The following MLKL variants were observed in gnomAD, a reference collection of about 807,000 sequenced individuals.
The protein encoded by MLKL is mixed lineage kinase domain-like protein.
A neutral mutation model predicts 56.5 loss-of-function variants in MLKL; 55 were observed. That is an observed-to-expected ratio of 0.97 (90% CI 0.78 to 1.22). The LOEUF (loss-of-function observed/expected upper bound fraction) is 1.22, where lower values mean the gene tolerates loss of function less well. Among genes scored for constraint, MLKL ranks in the 50% most tolerant of loss-of-function variants. The pLI is 0.00. For missense variants in MLKL, 694 were observed against 573.9 expected (o/e 1.21, Z -2.14); for synonymous variants, 251 against 208.3 (o/e 1.20, Z -1.76).
At chr16:74,673,515 GC>G (rs1959366422) in intron 10 of MLKL, among the ~76,000 whole-genome samples, 1 of 152,024 alleles carries the variant, frequency 6.6e-6, no homozygotes, top group Non-Finnish European at 1.5e-5. Flanking sequence ...ACTGCACCCG[GC>G]CCCTTCTCTC....
chr16:74,688,535 G>A (rs1015213600), intron 4 of MLKL, among the ~76,000 whole-genome samples: 4 of 152,044 alleles, frequency 2.6e-5, no homozygotes, highest in Non-Finnish European at 5.9e-5. Context: ...CCAACATGGT[G>A]AAACCCTGTC....
intron 5 of MLKL, among the ~76,000 whole-genome samples, chr16:74,684,102 C>A (rs889936070): frequency 4.0e-5 from 6 of 151,840 alleles, no homozygotes; most frequent in Admixed American, 2.6e-4. Context: ...CACCCACCAC[C>A]ACGCCCAGTT....
At position 74,700,645 on chromosome 16, in the gene MLKL, A is replaced by AG. The variant is rs1360291956; in HGVS notation, c.-196_-195insC. 3.9e-5 allele frequency: 6 copies of AG among 152,346 alleles called. No homozygotes were observed. The highest frequency in any genetic ancestry group is 1.4e-4 in the African/African-American group (6 of 41,446). The allele number at this position is 152,346 out of a possible 1,614,324, so 9.4% of individuals were successfully genotyped here. A position where few individuals can be genotyped will look rare whatever the true frequency, so the allele number is the denominator to read the frequency against. ...CACTCTGCTGACTGTACCGGACGCC[A>AG]CACGTGGCTGGCGGCGACAAGGCGC... On this transcript the variant is annotated 5_prime_UTR_variant, in exon 1 of 11. Coordinates refer to ENST00000308807, the MANE Select transcript of MLKL (RefSeq NM_152649.4).
intron 2 of MLKL, among the ~76,000 whole-genome samples, chr16:74,693,938 C>G (rs1567618180): frequency 6.6e-6 from 1 of 151,882 alleles, no homozygotes; most frequent in African/African-American, 2.4e-5. Flanking sequence ...TATTTTATCA[C>G]AAAAAATGGG....
intron 1 of MLKL, among the ~76,000 whole-genome samples, chr16:74,698,749 T>G (rs1211875801): frequency 6.6e-6 from 1 of 151,996 alleles, no homozygotes; most frequent in Non-Finnish European, 1.5e-5. Context: ...GAAAGGAAAA[T>G]GGGGAAAATA....
intron 1 of MLKL, among the ~76,000 whole-genome samples, chr16:74,698,031 C>G (rs1464405008): frequency 6.6e-6 from 1 of 152,068 alleles, no homozygotes. Flanking sequence ...TGGTGAAACC[C>G]TGTCTCTACA....
chr16:74,675,417 C>T lies in MLKL; in HGVS notation c.1191-13G>A. ...GACGATTCCAAAGCTAAAAGAAAAC[C>T]AAGAAACTGAACAACCATAACTAGT... On this transcript the variant is annotated splice_polypyrimidine_tract_variant and intron_variant, in intron 8 of 10. Transcript: ENST00000308807. 3 of 1,613,004 alleles carry T rather than the reference C, an allele frequency of 1.9e-6. No homozygotes were observed. The South Asian group carries it at 3.3e-5, about 18-fold the overall frequency.
At chr16:74,682,820 G>C (rs773252254) in intron 5 of MLKL, 34 bp from the exon 6 acceptor site, 2 of 1,610,666 alleles carry the variant, frequency 1.2e-6, no homozygotes, top group East Asian at 4.5e-5. Flanking sequence ...ATGAGGACCC[G>C]CCCTACTTGA....
chr16:74,699,213 G>T (rs1657610502), intron 1 of MLKL, among the ~76,000 whole-genome samples: 1 of 152,148 alleles, frequency 6.6e-6, no homozygotes, highest in African/African-American at 2.4e-5. Flanking sequence ...TGGCTGGGAA[G>T]ACTAAAACAG....
At chr16:74,684,240 G>C (rs1960178764) in intron 5 of MLKL, among the ~76,000 whole-genome samples, 1 of 151,796 alleles carries the variant, frequency 6.6e-6, no homozygotes, top group African/African-American at 2.4e-5. Flanking sequence ...GAGCCACCGT[G>C]CCTGGCCTAC....
intron 1 of MLKL, among the ~76,000 whole-genome samples, chr16:74,695,974 C>G (rs970320537): frequency 6.6e-6 from 1 of 152,338 alleles, no homozygotes; most frequent in African/African-American, 2.4e-5. Context: ...CCAGCCGGAA[C>G]TACATCTCCC....
At chr16:74,674,885 C>A in intron 10 of MLKL, 75 bp downstream of exon 10, 1 of 1,545,346 alleles carries the variant, frequency 6.5e-7, no homozygotes, top group Non-Finnish European at 8.8e-7. Flanking sequence ...TGCCTTGGAG[C>A]TGGTGAAAAG....
At chr16:74,699,997 A>T (rs1597524905) in intron 1 of MLKL, among the ~76,000 whole-genome samples, 1 of 152,160 alleles carries the variant, frequency 6.6e-6, no homozygotes, top group Non-Finnish European at 1.5e-5. Flanking sequence ...TACGATGAGA[A>T]AACAGGTTAC....
Position 74,675,383 on chromosome 16 carries a change from T to C in MLKL, c.1212A>G (p.Glu404=). The C allele has an allele frequency of 6.2e-7, 1 of 1,614,148 alleles. No individual in the cohort carries two copies. Among genetic ancestry groups the C allele is most frequent in the Middle Eastern group, 1.6e-4 (1 of 6,062 alleles). The change falls in exon 9 of 11, where the codon GAA becomes GAG. Residue 404 remains glutamate (E), a synonymous_variant. Transcript: ENST00000308807. ...GAAACGGGATATCTCCAGTGGCGAT[T>C]TCCCAGAGGACGATTCCAAAGCTAA... The part of the protein sequence containing the change: ...EIYSFGIVLW[E]IATGDIPFQG...
chr16:74,692,724 T>G (rs1380886713), intron 2 of MLKL, among the ~76,000 whole-genome samples: 1 of 152,218 alleles, frequency 6.6e-6, no homozygotes, highest in Non-Finnish European at 1.5e-5. Flanking sequence ...GTGAGGAAAG[T>G]TTGCGTCAAC....
At chr16:74,697,985 C>A (rs189986164) in intron 1 of MLKL, among the ~76,000 whole-genome samples, 1 of 152,114 alleles carries the variant, frequency 6.6e-6, no homozygotes, top group Non-Finnish European at 1.5e-5. Flanking sequence ...GCCAGGGGAT[C>A]GTATGAGCCT....
At chr16:74,688,772 T>A (rs1213818589) in intron 4 of MLKL, among the ~76,000 whole-genome samples, 1 of 152,006 alleles carries the variant, frequency 6.6e-6, no homozygotes, top group Non-Finnish European at 1.5e-5. Flanking sequence ...GAAACATTAT[T>A]CATAATAATC....
Position 74,681,621 on chromosome 16 carries a change from G to A in MLKL, c.956+1030C>T, listed in dbSNP as rs1047386103. ...ATCCTGGCTAACATGGTGAAACCCCGTCTCTAATAAAAATACAAAAAAATT... is the reference window on the plus strand; with the variant it reads ...ATCCTGGCTAACATGGTGAAACCCCATCTCTAATAAAAATACAAAAAAATT... On this transcript the variant is annotated intron_variant, in intron 6 of 10. Coordinates refer to ENST00000308807, the MANE Select transcript of MLKL (RefSeq NM_152649.4). Among the ~76,000 whole-genome samples the A allele has an allele frequency of 1.2e-4, 18 of 151,724 alleles. No homozygotes were observed. The South Asian group carries it at 1.3e-3, about 11-fold the overall frequency.
chr16:74,674,156 C>CTTT lies in MLKL; in HGVS notation c.1381+801_1381+803dup, dbSNP rs11408099. 7.2e-5 allele frequency among the ~76,000 whole-genome samples: 10 copies of CTTT among 138,512 alleles called. 1 individual carries two copies. Among genetic ancestry groups the CTTT allele is most frequent in the Non-Finnish European group, 1.1e-4 (7 of 64,394 alleles). The allele number at this position is 138,512 out of a possible 152,430, so 90.9% of individuals were successfully genotyped here. On this transcript the variant is annotated intron_variant, in intron 10 of 10. Transcript: ENST00000308807. ...GCGTTGTAGGATGTTGAATAGCATT[C>CTTT]TTTTTTTTTTTTTTTTGAGATGGAG...
Sources: allele counts gnomAD v4.1 joint callset (sites outside exome capture counted in the v4.1 genomes callset), GRCh38; gene constraint gnomAD v4.1.1; transcripts MANE v1.5; gene names NCBI Gene and HGNC (gene_info 2026-07-23, HGNC 2026-07-21).